The following DZIP3 variants were observed in gnomAD, a reference collection of about 807,000 sequenced individuals.
The protein encoded by DZIP3 is E3 ubiquitin-protein ligase DZIP3.
A neutral mutation model predicts 162.0 loss-of-function variants in DZIP3; 118 were observed. The ratio of observed to expected loss-of-function variants is 0.73; its 90% CI spans 0.63 to 0.85. The LOEUF is 0.85. Among genes scored for constraint, DZIP3 ranks in the 40% least tolerant of loss-of-function variants. The pLI, the probability that DZIP3 is intolerant of heterozygous loss-of-function variation, is 0.00. For missense variants in DZIP3, 1,331 were observed against 1,407.0 expected (o/e 0.95, Z 0.86); for synonymous variants, 438 against 458.6 (o/e 0.96, Z 0.57).
chr3:108,631,055 A>ATACACACTCTCTCTCTCTCTCTCT (rs1553705360), intron 8 of DZIP3, among the ~76,000 whole-genome samples: 9 of 18,016 alleles, frequency 5.0e-4, no homozygotes, highest in African/African-American at 2.0e-3. Flanking sequence ...ACACACACAC[A>ATACACACTCTCTCTCTCTCTCTCT]CTCTCTCTCT....
intron 9 of DZIP3, among the ~76,000 whole-genome samples, chr3:108,634,340 G>A (rs1942041115): frequency 6.6e-6 from 1 of 152,116 alleles, no homozygotes; most frequent in South Asian, 2.1e-4. Context: ...TTTAATTTTT[G>A]TCATCAAAGC....
intron 21 of DZIP3, among the ~76,000 whole-genome samples, chr3:108,667,890 TG>T (rs1238238260): frequency 6.6e-6 from 1 of 152,024 alleles, no homozygotes; most frequent in African/African-American, 2.4e-5. Context: ...GAAGGTTAGG[TG>T]GGATGAGATG....
chr3:108,654,019 G>A, intron 18 of DZIP3, 126 bp from the exon 19 acceptor site: 1 of 976,056 alleles, frequency 1.0e-6, no homozygotes, highest in East Asian at 2.6e-5. Flanking sequence ...AACTTCCTTT[G>A]ATCATGAACC....
chr3:108,662,283 G>A, intron 21 of DZIP3, 26 bp downstream of exon 21: 1 of 1,567,002 alleles, frequency 6.4e-7, no homozygotes, highest in African/African-American at 1.4e-5. Flanking sequence ...TTGATAAAGG[G>A]AAATTCTGCG....
chr3:108,636,879 TTTAAGTGGTCC>T (rs1942173872), intron 11 of DZIP3, among the ~76,000 whole-genome samples, 171 bp downstream of exon 11: 1 of 151,930 alleles, frequency 6.6e-6, no homozygotes, highest in African/African-American at 2.4e-5. Context: ...CAAAGTAATG[TTTAAGTGGTCC>T]TTAAGAACAG....
At chr3:108,685,550 ATTAT>A (rs889062211) in intron 27 of DZIP3, among the ~76,000 whole-genome samples, 5 of 152,184 alleles carry the variant, frequency 3.3e-5, no homozygotes, top group African/African-American at 1.2e-4. Context: ...CTGTTATTAT[ATTAT>A]TTAATTAGAA....
intron 4 of DZIP3, among the ~76,000 whole-genome samples, chr3:108,615,453 G>A (rs935676277): frequency 3.9e-5 from 6 of 152,154 alleles, no homozygotes; most frequent in Non-Finnish European, 7.4e-5. Context: ...TTAAAATTAT[G>A]ATACTGGGTT....
At chr3:108,654,043 G>A in intron 18 of DZIP3, 102 bp from the exon 19 acceptor site, 13 of 1,252,134 alleles carry the variant, frequency 1.0e-5, no homozygotes, top group East Asian at 2.4e-5. Flanking sequence ...CTAATGCTGA[G>A]CATCTTATGA....
At chr3:108,626,199 T>C (rs1941583229) in intron 7 of DZIP3, among the ~76,000 whole-genome samples, 1 of 152,334 alleles carries the variant, frequency 6.6e-6, no homozygotes, top group Admixed American at 6.5e-5. Context: ...ATTAGGAGCA[T>C]AGGCTTTAGA....
chr3:108,634,490 G>A (rs952927911), intron 9 of DZIP3, among the ~76,000 whole-genome samples: 3 of 152,138 alleles, frequency 2.0e-5, no homozygotes, highest in Non-Finnish European at 2.9e-5. Flanking sequence ...GGTAACAGAG[G>A]GGATTCAGGC....
At chr3:108,634,546 A>C (rs1289870655) in intron 9 of DZIP3, among the ~76,000 whole-genome samples, 1 of 152,098 alleles carries the variant, frequency 6.6e-6, no homozygotes, top group African/African-American at 2.4e-5. Flanking sequence ...AAATGTAAAA[A>C]TGGAGATGAA....
intron 26 of DZIP3, 38 bp from the exon 27 acceptor site, chr3:108,684,178 G>A (rs961799281): frequency 9.6e-6 from 15 of 1,562,534 alleles, no homozygotes; most frequent in Middle Eastern, 3.5e-4. Context: ...TATGTGGGGG[G>A]GGGTGTTGTT....
intron 1 of DZIP3, among the ~76,000 whole-genome samples, chr3:108,595,862 T>G (rs552709805): frequency 2.0e-5 from 3 of 152,360 alleles, no homozygotes; most frequent in African/African-American, 7.2e-5. Flanking sequence ...AATTGTTCAT[T>G]CATTCATCTC....
At chr3:108,634,648 C>G (rs1452720964) in intron 9 of DZIP3, among the ~76,000 whole-genome samples, 1 of 152,034 alleles carries the variant, frequency 6.6e-6, no homozygotes, top group Non-Finnish European at 1.5e-5. Flanking sequence ...TTAATTTTTT[C>G]AAATTATTGA....
intron 1 of DZIP3, among the ~76,000 whole-genome samples, chr3:108,603,470 A>G (rs1409228595): frequency 6.6e-6 from 1 of 152,220 alleles, no homozygotes; most frequent in Admixed American, 6.5e-5. Context: ...AACAGAGAAT[A>G]CAAATTAAAA....
At chr3:108,630,980 T>C (rs9861340) in intron 8 of DZIP3, among the ~76,000 whole-genome samples, 2,692 of 135,894 alleles carry the variant, frequency 0.02, 94 homozygotes, top group African/African-American at 0.071. Context: ...CTGTGAAAAA[T>C]GAGAGTTTAG....
At chr3:108,643,967 A>G (rs1388666752) in intron 13 of DZIP3, among the ~76,000 whole-genome samples, 197 bp from the exon 14 acceptor site, 1 of 152,090 alleles carries the variant, frequency 6.6e-6, no homozygotes, top group Admixed American at 6.6e-5. Context: ...GCTTGGGAAC[A>G]TGTTGTTTTT....
chr3:108,651,873 T>C (rs1942884166), intron 18 of DZIP3, among the ~76,000 whole-genome samples: 1 of 151,824 alleles, frequency 6.6e-6, no homozygotes, highest in Non-Finnish European at 1.5e-5. Flanking sequence ...TCTGAGGATA[T>C]AAAGTAAGAT....
At chr3:108,651,619 A>G (rs2107231069) in intron 18 of DZIP3, among the ~76,000 whole-genome samples, 1 of 151,648 alleles carries the variant, frequency 6.6e-6, no homozygotes, top group East Asian at 1.9e-4. Context: ...GACCCCTTTT[A>G]CCAAAAAGTT....
Sources: gnomAD v4.1 joint callset for allele counts (sites outside exome capture counted in the v4.1 genomes callset) on GRCh38, gnomAD v4.1.1 for gene constraint, MANE v1.5 for transcripts, NCBI Gene and HGNC (gene_info 2026-07-23, HGNC 2026-07-21) for gene names.